The following CSNK2A2 variants were observed in gnomAD, a reference collection of about 807,000 sequenced individuals.
CSNK2A2 encodes the protein casein kinase II subunit alpha'.
Under a neutral mutation model 54.0 loss-of-function variants are expected in CSNK2A2, and 8 were observed. The ratio of observed to expected loss-of-function variants is 0.15; its 90% CI spans 0.09 to 0.27. CSNK2A2 has a LOEUF of 0.27. CSNK2A2 is among the 10% of genes least tolerant of loss of function. The pLI is 1.00. For synonymous variants in CSNK2A2, 141 were observed against 153.9 expected, an observed-to-expected ratio of 0.92 and a Z score of 0.62; for missense variants, 242 against 439.4, an observed-to-expected ratio of 0.55 and a Z score of 4.02.
chr16:58,171,979 ATTTTTTTTT>A (rs746200172), intron 5 of CSNK2A2, among the ~76,000 whole-genome samples: 5 of 66,186 alleles, frequency 7.6e-5, no homozygotes, highest in African/African-American at 2.5e-4. Context: ...ATATATATAT[ATTTTTTTTT>A]TTTTTTTTTT....
intron 2 of CSNK2A2, among the ~76,000 whole-genome samples, chr16:58,189,072 T>A (rs1962263767): frequency 6.7e-6 from 1 of 149,564 alleles, no homozygotes; most frequent in South Asian, 2.1e-4. Flanking sequence ...TTCTCCTGCC[T>A]CAGCCTCCCA....
intron 11 of CSNK2A2, chr16:58,163,253 C>CAAAAAAAAAAAAAAAAAAAAAA (rs55808367): frequency 3.0e-5 from 2 of 66,598 alleles, no homozygotes; most frequent in Non-Finnish European, 5.7e-5. Context: ...ACAAGGCTGC[C>CAAAAAAAAAAAAAAAAAAAAAA]AAAAAAAAAA....
chr16:58,181,940 GC>G (rs1223831160), intron 4 of CSNK2A2, among the ~76,000 whole-genome samples: 3 of 152,010 alleles, frequency 2.0e-5, no homozygotes, highest in African/African-American at 7.2e-5. Context: ...AACTAGAATG[GC>G]TTCAGTGGTA....
intron 4 of CSNK2A2, among the ~76,000 whole-genome samples, chr16:58,180,934 A>C (rs1240985768): frequency 6.6e-6 from 1 of 152,262 alleles, no homozygotes; most frequent in African/African-American, 2.4e-5. Flanking sequence ...ACGACGGTGA[A>C]CTAAATGATT....
At chr16:58,173,113 C>G (rs189318902) in intron 5 of CSNK2A2, among the ~76,000 whole-genome samples, 73 of 152,330 alleles carry the variant, frequency 4.8e-4, no homozygotes, top group African/African-American at 1.6e-3. Flanking sequence ...GCTAGCCTGA[C>G]AGTTCACAGG....
chr16:58,173,532 A>G (rs1961795308), intron 5 of CSNK2A2, among the ~76,000 whole-genome samples: 1 of 152,196 alleles, frequency 6.6e-6, no homozygotes, highest in South Asian at 2.1e-4. Context: ...TATCTAGACA[A>G]ACAAAATGAT....
chr16:58,162,581 C>T (rs1386592986), intron 11 of CSNK2A2: 2 of 152,122 alleles, frequency 1.3e-5, no homozygotes, highest in Admixed American at 6.6e-5. Context: ...TTCAAACAAA[C>T]ATCTAACCTT....
At chr16:58,180,216 AAAAC>A (rs555519486) in intron 4 of CSNK2A2, among the ~76,000 whole-genome samples, 79 of 152,214 alleles carry the variant, frequency 5.2e-4, no homozygotes, top group African/African-American at 1.9e-3. Flanking sequence ...CAGAAAGAGA[AAAAC>A]AAACAAAAAC....
rs935653531 is a variant in CSNK2A2, at chr16:58,197,199, C to T, written c.105-355G>A. ...TTTCACATCTTCAAGGTAGACAATG[C>T]CTGTTTTAAAAATCTGGACGTCTTT... is the stretch of plus-strand genomic sequence containing the variant. On this transcript the variant is annotated intron_variant, in intron 1 of 11. Transcript: ENST00000262506. The surrounding 1 kb of genome is among the most constrained non-coding windows in gnomAD (Gnocchi z 4.0). 2 of 291,930 alleles carry T rather than the reference C, an allele frequency of 6.9e-6. No individual in the cohort carries two copies. Among genetic ancestry groups the T allele is most frequent in the African/African-American group, 2.1e-5 (1 of 46,738 alleles). 18.1% of individuals were successfully genotyped at this position (291,930 alleles called of 1,614,324 possible).
In CSNK2A2 at chr16:58,180,518, T is replaced by A. The variant is rs1962009045; in HGVS notation, c.369+3742A>T. Among the ~76,000 whole-genome samples the A allele has an allele frequency of 2.0e-5, 3 of 152,086 alleles. No homozygotes were observed. In the South Asian group the frequency reaches 6.2e-4, roughly 31 times the overall value. On this transcript the variant is annotated intron_variant, in intron 4 of 11. Transcript: ENST00000262506. ...AAACCTGGATAAACTTTAAGTTATG[T>A]TTTAAAAAGGAAAGTATAGTTCAAA... is the stretch of plus-strand genomic sequence containing the variant.
chr16:58,185,043 T>C (rs532873727), intron 3 of CSNK2A2, among the ~76,000 whole-genome samples: 1 of 152,226 alleles, frequency 6.6e-6, no homozygotes, highest in Non-Finnish European at 1.5e-5. Context: ...TATCATCTTG[T>C]GTAAATCTAG....
At chr16:58,174,552 CTGCATCTTGT>C (rs1171510813) in intron 4 of CSNK2A2, 42 bp from the exon 5 acceptor site, 1 of 1,531,274 alleles carries the variant, frequency 6.5e-7, no homozygotes, top group Non-Finnish European at 9.0e-7. Context: ...TTTAGTCTCA[CTGCATCTTGT>C]CATCCTAAGT....
chr16:58,178,634 G>C (rs1961944176), intron 4 of CSNK2A2, among the ~76,000 whole-genome samples: 1 of 152,156 alleles, frequency 6.6e-6, no homozygotes, highest in African/African-American at 2.4e-5. Flanking sequence ...CCAACTCTTA[G>C]AGACTGACTT....
chr16:58,167,548 G>C, intron 7 of CSNK2A2, 137 bp downstream of exon 7: 1 of 698,248 alleles, frequency 1.4e-6, no homozygotes, highest in Non-Finnish European at 2.3e-6. Context: ...AACTAGCTGA[G>C]AAAAAACTAA....
At chr16:58,165,741 G>C in intron 9 of CSNK2A2, 33 bp from the exon 10 acceptor site, 1 of 1,594,042 alleles carries the variant, frequency 6.3e-7, no homozygotes, top group African/African-American at 1.4e-5. Context: ...AGTAACCAGA[G>C]ACTAAATTCA....
intron 5 of CSNK2A2, among the ~76,000 whole-genome samples, chr16:58,170,299 T>A (rs1961699285): frequency 6.6e-6 from 1 of 152,086 alleles, no homozygotes; most frequent in South Asian, 2.1e-4. Context: ...TGCTATTTGC[T>A]GGTATAGATT....
intron 11 of CSNK2A2, 62 bp downstream of exon 11, chr16:58,163,992 T>C: frequency 7.8e-7 from 1 of 1,290,274 alleles, no homozygotes; most frequent in Non-Finnish European, 1.1e-6. Flanking sequence ...CACACTGTAG[T>C]TTTCCTTCAA....
chr16:58,183,895 C>T (rs3743578), intron 4 of CSNK2A2, among the ~76,000 whole-genome samples: 10,188 of 152,252 alleles, frequency 0.067, 414 homozygotes, highest in South Asian at 0.2. Context: ...CTTCTTTTCA[C>T]AAGGGCCTTG....
At chr16:58,160,593 T>C (rs531649893) in intron 11 of CSNK2A2, 2 of 152,456 alleles carry the variant, frequency 1.3e-5, no homozygotes, top group South Asian at 2.1e-4. Context: ...TCTCTGGGAC[T>C]AAGCGCCTGA....
Sources: allele counts gnomAD v4.1 joint callset (sites outside exome capture counted in the v4.1 genomes callset), GRCh38; gene constraint gnomAD v4.1.1; non-coding constraint Gnocchi (gnomAD v3.1); transcripts MANE v1.5; gene names NCBI Gene and HGNC (gene_info 2026-07-23, HGNC 2026-07-21).